SLC5A6: variants seen among roughly 807,000 people sequenced by gnomAD.
SLC5A6 encodes the protein solute carrier family 5 member 6.
In SLC5A6, 31 loss-of-function variants were observed where a neutral mutation model predicts 67.9. The ratio of observed to expected loss-of-function variants is 0.46; its 90% CI spans 0.34 to 0.62. The LOEUF (loss-of-function observed/expected upper bound fraction) is 0.62, where lower values mean the gene tolerates loss of function less well. Among genes scored for constraint, SLC5A6 ranks in the 20% least tolerant of loss-of-function variants. The pLI is 0.01. For synonymous variants in SLC5A6, 343 were observed against 331.0 expected, an observed-to-expected ratio of 1.04 and a Z score of -0.39; for missense variants, 673 against 812.8, an observed-to-expected ratio of 0.83 and a Z score of 2.09.
Position 27,207,371 on chromosome 2 carries a change from G to A in SLC5A6, c.280C>T (p.Arg94Ter), listed in dbSNP as rs994218778. 9 of 1,614,056 alleles carry A rather than the reference G, an allele frequency of 5.6e-6. No homozygotes were observed. The highest frequency in any genetic ancestry group is 2.2e-5 in the East Asian group (1 of 44,892). The change falls in exon 3 of 17, where the codon CGA (arginine) becomes TGA (stop). Residue 94 changes from arginine to a stop codon, truncating the protein, a stop_gained. Transcript: ENST00000310574. LOFTEE classifies it high-confidence loss of function. The surrounding 1 kb of genome is among the most constrained non-coding windows in gnomAD (Gnocchi z 5.5). ...AILGVPSEIY[R>*]FGTQYWFLGC... ...AGGAACCAATATTGGGTCCCAAATC[G>A]GTAGATCTCTGACGGCACACCCAGG...
intron 2 of SLC5A6, among the ~76,000 whole-genome samples, chr2:27,209,988 G>A (rs1558514527): frequency 6.6e-6 from 1 of 152,192 alleles, no homozygotes; most frequent in African/African-American, 2.4e-5. Flanking sequence ...TTACTGCTAT[G>A]ATAGAGATGA....
At chr2:27,209,337 A>G (rs1674298163) in intron 2 of SLC5A6, among the ~76,000 whole-genome samples, 1 of 152,248 alleles carries the variant, frequency 6.6e-6, no homozygotes, top group South Asian at 2.1e-4. Context: ...ACGACAGTTA[A>G]CATTTGCTGA....
At chr2:27,206,749 T>C (rs1028020859) in intron 4 of SLC5A6, 128 bp downstream of exon 4, 2 of 914,780 alleles carry the variant, frequency 2.2e-6, no homozygotes, top group Non-Finnish European at 3.6e-6. Flanking sequence ...TCCTCACAGA[T>C]GCTAACCTCT....
chr2:27,207,052 C>CA lies in SLC5A6; in HGVS notation c.394-111_394-110insT, dbSNP rs1674130102. On this transcript the variant is annotated intron_variant, in intron 3 of 16. Transcript: ENST00000310574. The surrounding 1 kb of genome is among the most constrained non-coding windows in gnomAD (Gnocchi z 5.5). Reference sequence around the variant, plus strand: ...AGGGAATATCCAACCCATACCCACTCTGAGTCCTACTCGGCATAGCACCCT... The same window carrying CA: ...AGGGAATATCCAACCCATACCCACTCATGAGTCCTACTCGGCATAGCACCCT... 9.4e-7 allele frequency: 1 copy of CA among 1,065,982 alleles called. No individual in the cohort carries two copies. 66.0% of individuals were successfully genotyped at this position (1,065,982 alleles called of 1,614,324 possible).
chr2:27,201,882 A>G, intron 13 of SLC5A6, 35 bp from the exon 14 acceptor site: 1 of 1,612,258 alleles, frequency 6.2e-7, no homozygotes, highest in Non-Finnish European at 8.5e-7. Context: ...TCACAAGGCC[A>G]GTCCTGCCAG....
chr2:27,206,778 G>T, intron 4 of SLC5A6, 99 bp downstream of exon 4: 1 of 1,034,944 alleles, frequency 9.7e-7, no homozygotes, highest in Non-Finnish European at 1.5e-6. Flanking sequence ...TTTCAATCCT[G>T]CCAATCTGAG....
chr2:27,206,326 C>G, intron 5 of SLC5A6, 157 bp downstream of exon 5: 1 of 741,150 alleles, frequency 1.3e-6, no homozygotes. Flanking sequence ...GTGGACCAAG[C>G]CTTCCTCTGG....
intron 8 of SLC5A6, 85 bp from the exon 9 acceptor site, chr2:27,204,675 C>T: frequency 6.3e-7 from 1 of 1,598,564 alleles, no homozygotes; most frequent in South Asian, 1.1e-5. Context: ...AAAGGAGACC[C>T]ACATCCTGAC....
chr2:27,202,503 C>CAA (rs10638396), intron 12 of SLC5A6, among the ~76,000 whole-genome samples: 7,275 of 72,060 alleles, frequency 0.1, 1,203 homozygotes, highest in African/African-American at 0.22. Context: ...GACTCTGTCT[C>CAA]AAAAAAAAAA....
chr2:27,201,255 A>G (rs1673612907), intron 15 of SLC5A6, 95 bp downstream of exon 15: 1 of 996,506 alleles, frequency 1.0e-6, no homozygotes, highest in African/African-American at 1.6e-5. Context: ...CGGACACCCA[A>G]GAGCTCAGAG....
rs969262583 is a variant in SLC5A6, at chr2:27,200,392, A to C, written c.*44T>G. 2.5e-6 allele frequency: 4 copies of C among 1,573,504 alleles called. No homozygotes were observed. The East Asian group carries it at 6.7e-5, about 26-fold the overall frequency. On this transcript the variant is annotated 3_prime_UTR_variant, in exon 17 of 17. Coordinates refer to ENST00000310574, the MANE Select transcript of SLC5A6 (RefSeq NM_021095.4). Reference sequence around the variant, plus strand: ...CTGTACTACAGGGTGGCCTCTGGCTATGGCCTGGCACAGTGAGGACAGAGG... The same window carrying C: ...CTGTACTACAGGGTGGCCTCTGGCTCTGGCCTGGCACAGTGAGGACAGAGG...
At chr2:27,201,139 T>C in intron 15 of SLC5A6, 26 bp from the exon 16 acceptor site, 2 of 1,566,408 alleles carry the variant, frequency 1.3e-6, no homozygotes, top group Non-Finnish European at 8.8e-7. Context: ...CTTCTGAGTC[T>C]CTGGGTGGAA....
At chr2:27,204,644 G>A in intron 8 of SLC5A6, 54 bp from the exon 9 acceptor site, 1 of 1,607,028 alleles carries the variant, frequency 6.2e-7, no homozygotes, top group Non-Finnish European at 8.5e-7. Context: ...ACACCCTCAG[G>A]TGTGTGCCCC....
At position 27,201,032 on chromosome 2, in the gene SLC5A6, C is replaced by T; in HGVS notation, c.1730G>A (p.Cys577Tyr). Residue 577 changes from cysteine to tyrosine, a missense_variant, in exon 16 of 17, where the codon TGT becomes TAT. Transcript: ENST00000310574. ...PKLLSLLPLS[C>Y]QKRLHCRSYG... ...GCTCCTGCAGTGGAGCCGCTTCTGA[C>T]AGGACAACGGAAGGAGGGACAGGAG... is the stretch of plus-strand genomic sequence containing the variant. 1 of 1,613,778 alleles carries T rather than the reference C, an allele frequency of 6.2e-7. No individual in the cohort carries two copies. The highest frequency in any genetic ancestry group is 1.1e-5 in the South Asian group (1 of 91,006).
Position 27,206,954 on chromosome 2 carries a change from G to A in SLC5A6, c.394-12C>T, listed in dbSNP as rs201023049. On this transcript the variant is annotated splice_polypyrimidine_tract_variant and intron_variant, in intron 3 of 16. Coordinates refer to ENST00000310574, the MANE Select transcript of SLC5A6 (RefSeq NM_021095.4). ...CGAAGCTCCAGGTACTGGGTATACAGAAAAAAAGATTTTTCTCCTGACTTC... is the reference window on the plus strand; with the variant it reads ...CGAAGCTCCAGGTACTGGGTATACAAAAAAAAAGATTTTTCTCCTGACTTC... 5 of 1,609,726 alleles carry A rather than the reference G, an allele frequency of 3.1e-6. No homozygotes were observed. In the African/African-American group the frequency reaches 4.0e-5, roughly 13 times the overall value.
intron 9 of SLC5A6, 92 bp downstream of exon 9, chr2:27,204,369 G>T: frequency 1.4e-6 from 2 of 1,413,786 alleles, no homozygotes; most frequent in Non-Finnish European, 1.9e-6. Context: ...ACCCAGGGTG[G>T]GAGTCCTTTC....
intron 16 of SLC5A6, 85 bp downstream of exon 16, chr2:27,200,913 G>A (rs1026653812): frequency 1.1e-6 from 1 of 870,528 alleles, no homozygotes. Context: ...GGCAGGGGGA[G>A]AGAAAAGGGG....
intron 11 of SLC5A6, 64 bp downstream of exon 11, chr2:27,203,169 T>A (rs1572386502): frequency 2.1e-5 from 34 of 1,602,440 alleles, no homozygotes; most frequent in Non-Finnish European, 2.9e-5. Context: ...AGCAAACTGA[T>A]GACAATGGTC....
rs1196482375 is a variant in SLC5A6 at position 27,211,967 on chromosome 2, C to CCCGCCCCCTGT, written c.-208+52_-208+53insACAGGGGGCGG. On this transcript the variant is annotated intron_variant, in intron 1 of 16. Transcript: ENST00000310574. ...GCCCTGGCCGGGAGCCCGCGGGGGC[C>CCCGCCCCCTGT]CCGCCCCCTGCCCGCCCCCTGCCCG... The CCCGCCCCCTGT allele has an allele frequency of 8.5e-6, 4 of 469,468 alleles. No individual in the cohort carries two copies. The Admixed American group carries it at 2.2e-4, about 26-fold the overall frequency. The allele number at this position is 469,468 out of a possible 1,614,324, so 29.1% of individuals were successfully genotyped here.
Sources: allele counts gnomAD v4.1 joint callset (sites outside exome capture counted in the v4.1 genomes callset), GRCh38; gene constraint gnomAD v4.1.1; non-coding constraint Gnocchi (gnomAD v3.1); transcripts MANE v1.5; gene names NCBI Gene and HGNC (gene_info 2026-07-23, HGNC 2026-07-21).